The following SMAD9 variants were observed in gnomAD, a reference collection of about 807,000 sequenced individuals.
SMAD9 encodes SMAD family member 9.
Under a neutral mutation model 46.1 loss-of-function variants are expected in SMAD9, and 36 were observed. The ratio of observed to expected loss-of-function variants is 0.78; its 90% CI spans 0.60 to 1.03. SMAD9 has a LOEUF of 1.03. Ranked by LOEUF, SMAD9 falls within the 50% of genes least tolerant of loss-of-function variation. SMAD9 has a pLI of 0.00. For synonymous variants in SMAD9, 245 were observed against 237.1 expected, an observed-to-expected ratio of 1.03 and a Z score of -0.31; for missense variants, 572 against 599.8, an observed-to-expected ratio of 0.95 and a Z score of 0.48.
intron 5 of SMAD9, among the ~76,000 whole-genome samples, chr13:36,862,050 G>C (rs561927373): frequency 2.0e-5 from 3 of 152,034 alleles, no homozygotes; most frequent in African/African-American, 7.2e-5. Context: ...AATAAAACTG[G>C]AAGGCCCCGC....
At chr13:36,897,116 G>A (rs985336858) in intron 1 of SMAD9, among the ~76,000 whole-genome samples, 2 of 152,094 alleles carry the variant, frequency 1.3e-5, no homozygotes, top group African/African-American at 4.8e-5. Flanking sequence ...ATCTGCTACA[G>A]GCCTTCACAG....
At chr13:36,906,528 A>T (rs1026180466) in intron 1 of SMAD9, among the ~76,000 whole-genome samples, 3 of 152,214 alleles carry the variant, frequency 2.0e-5, no homozygotes, top group African/African-American at 7.2e-5. Context: ...GAATATATTT[A>T]AAAATTCTTA....
intron 5 of SMAD9, among the ~76,000 whole-genome samples, chr13:36,856,415 T>C (rs886631849): frequency 2.6e-5 from 4 of 152,200 alleles, no homozygotes; most frequent in East Asian, 1.9e-4. Context: ...ACAGTCCACT[T>C]TGGCAAAGCT....
intron 2 of SMAD9, among the ~76,000 whole-genome samples, chr13:36,875,417 GAAAC>G (rs2058336860): frequency 6.6e-6 from 1 of 152,182 alleles, no homozygotes; most frequent in African/African-American, 2.4e-5. Flanking sequence ...GGGTGGCAGA[GAAAC>G]AAATAATTTC....
chr13:36,848,514 A>C lies in SMAD9; in HGVS notation c.*162T>G. 1 of 748,630 alleles carries C rather than the reference A, an allele frequency of 1.3e-6. No homozygotes were observed. Among genetic ancestry groups the C allele is most frequent in the Non-Finnish European group, 2.3e-6 (1 of 433,194 alleles). The allele number at this position is 748,630 out of a possible 1,614,324, so 46.4% of individuals were successfully genotyped here. The stretch of plus-strand genomic sequence containing the variant: ...ATTGCACTGTACTGGCATCAGGTTA[A>C]CTAGAAAGCACAAAACAAACGGTGA... On this transcript the variant is annotated 3_prime_UTR_variant, in exon 7 of 7. Coordinates refer to ENST00000379826, the MANE Select transcript of SMAD9 (RefSeq NM_001127217.3).
chr13:36,898,625 T>C (rs1368032464), intron 1 of SMAD9, among the ~76,000 whole-genome samples: 1 of 152,158 alleles, frequency 6.6e-6, no homozygotes, highest in African/African-American at 2.4e-5. Context: ...TAAATTAGCA[T>C]GTTTCACCAT....
chr13:36,918,152 A>T (rs533655104), intron 1 of SMAD9, among the ~76,000 whole-genome samples: 20 of 152,266 alleles, frequency 1.3e-4, no homozygotes, highest in Admixed American at 7.9e-4. Flanking sequence ...CTAGGAATAT[A>T]TAAGTTAAAA....
rs1275377891 is a variant in SMAD9 at position 36,847,725 on chromosome 13, A to C, written c.*951T>G. 6.6e-6 allele frequency: 1 copy of C among 152,252 alleles called. No homozygotes were observed. Among genetic ancestry groups the C allele is most frequent in the Non-Finnish European group, 1.5e-5 (1 of 68,046 alleles). The allele number at this position is 152,252 out of a possible 1,614,324, so 9.4% of individuals were successfully genotyped here. On this transcript the variant is annotated 3_prime_UTR_variant, in exon 7 of 7. Transcript: ENST00000379826. ...CCTTCCCAGGAGACTGGAACGTGGG[A>C]AATGAGAAAGTGTAAGTCGACGTGT...
rs181949986 is a variant in SMAD9, at chr13:36,909,585, C to T, written c.-187+10531G>A. 5.3e-5 allele frequency among the ~76,000 whole-genome samples: 8 copies of T among 152,198 alleles called. No homozygotes were observed. In the East Asian group the frequency reaches 1.5e-3, roughly 29 times the overall value. On this transcript the variant is annotated intron_variant, in intron 1 of 6. Transcript: ENST00000379826. Reference sequence around the variant, plus strand: ...ATTTTATTATTTAAGTTTGGAAGGGCCCACAATTTAATGCTTCCAGAAGCA... The same window carrying T: ...ATTTTATTATTTAAGTTTGGAAGGGTCCACAATTTAATGCTTCCAGAAGCA...
intron 1 of SMAD9, among the ~76,000 whole-genome samples, chr13:36,887,611 AGAT>A (rs2058458095): frequency 6.6e-6 from 1 of 152,166 alleles, no homozygotes. Flanking sequence ...GTAGAAGGAC[AGAT>A]GAGAGAGCTG....
intron 1 of SMAD9, among the ~76,000 whole-genome samples, chr13:36,897,950 A>G (rs867869619): frequency 4.3e-5 from 6 of 140,742 alleles, no homozygotes; most frequent in Admixed American, 8.0e-5. Flanking sequence ...TCTGCCTCCC[A>G]GGTTCACGCC....
chr13:36,896,696 T>TA (rs2058531408), intron 1 of SMAD9, among the ~76,000 whole-genome samples: 1 of 152,144 alleles, frequency 6.6e-6, no homozygotes, highest in African/African-American at 2.4e-5. Flanking sequence ...GAAAAGTTCC[T>TA]AAAAAAGGCG....
rs1295183866 is a variant in SMAD9 at position 36,872,889 on chromosome 13, G to C, written c.439C>G (p.His147Asp). 6.2e-7 allele frequency: 1 copy of C among 1,614,182 alleles called. No homozygotes were observed. Among genetic ancestry groups the C allele is most frequent in the South Asian group, 1.1e-5 (1 of 91,086 alleles). The change falls in exon 3 of 7, where the codon CAC (histidine) becomes GAC (aspartate). Residue 147 changes from histidine to aspartate, a missense_variant. His to Asp is a moderately conservative substitution (Grantham distance 81). Transcript: ENST00000379826. The part of the protein sequence containing the change: ...PVLPPVLVPR[H>D]SEYNPQLSLL... ...CTGAGCTGGGGGTTATATTCACTGTGTCTTGGCACGAGCACAGGAGGCAGT... is the reference window on the plus strand; with the variant it reads ...CTGAGCTGGGGGTTATATTCACTGTCTCTTGGCACGAGCACAGGAGGCAGT...
intron 5 of SMAD9, among the ~76,000 whole-genome samples, chr13:36,854,650 G>A (rs574228666): frequency 2.5e-4 from 38 of 152,300 alleles, no homozygotes; most frequent in African/African-American, 8.4e-4. Context: ...GGGATTACAG[G>A]CATGAGCCAC....
chr13:36,896,386 G>T (rs1340839621), intron 1 of SMAD9, among the ~76,000 whole-genome samples: 1 of 152,100 alleles, frequency 6.6e-6, no homozygotes, highest in African/African-American at 2.4e-5. Flanking sequence ...ACCCACCTCA[G>T]CCTCCCAAAG....
intron 2 of SMAD9, among the ~76,000 whole-genome samples, chr13:36,874,614 TTGG>T (rs1490286592): frequency 6.6e-6 from 1 of 152,030 alleles, no homozygotes; most frequent in Non-Finnish European, 1.5e-5. Flanking sequence ...TCCCAGCACT[TTGG>T]AAGGCCAAGG....
intron 1 of SMAD9, among the ~76,000 whole-genome samples, chr13:36,898,119 A>G (rs949653666): frequency 1.3e-5 from 2 of 151,842 alleles, no homozygotes; most frequent in African/African-American, 2.4e-5. Flanking sequence ...CGGCCTCCCA[A>G]AGTGCTGGGA....
intron 6 of SMAD9, among the ~76,000 whole-genome samples, chr13:36,850,507 G>A (rs1201606414): frequency 6.6e-6 from 1 of 152,130 alleles, no homozygotes; most frequent in Non-Finnish European, 1.5e-5. Flanking sequence ...AGCCTCCCAA[G>A]TGCTGAGATT....
At chr13:36,875,875 T>G (rs2058341506) in intron 2 of SMAD9, among the ~76,000 whole-genome samples, 1 of 152,178 alleles carries the variant, frequency 6.6e-6, no homozygotes, top group Non-Finnish European at 1.5e-5. Flanking sequence ...ACATTTCCCT[T>G]TATCATAACA....
Sources: gnomAD v4.1 joint callset for allele counts (sites outside exome capture counted in the v4.1 genomes callset) on GRCh38, gnomAD v4.1.1 for gene constraint, MANE v1.5 for transcripts, NCBI Gene and HGNC (gene_info 2026-07-23, HGNC 2026-07-21) for gene names.